POLR3G: variants seen among roughly 807,000 people sequenced by gnomAD.
The protein encoded by POLR3G is DNA-directed RNA polymerase III subunit RPC7.
POLR3G carries 28 observed loss-of-function variants against 30.1 expected under a neutral mutation model. The ratio of observed to expected loss-of-function variants is 0.93; its 90% CI spans 0.69 to 1.27. POLR3G has a LOEUF of 1.27. POLR3G is among the 50% of genes most tolerant of loss of function. The probability of loss-of-function intolerance (pLI) is 0.00; values close to 1 mark genes in which losing one functional copy is unlikely to be tolerated. For synonymous variants in POLR3G, 79 were observed against 82.5 expected, an observed-to-expected ratio of 0.96 and a Z score of 0.23; for missense variants, 254 against 264.6, an observed-to-expected ratio of 0.96 and a Z score of 0.28.
At chr5:90,491,692 C>G (rs1000819990) in intron 3 of POLR3G, among the ~76,000 whole-genome samples, 1 of 151,990 alleles carries the variant, frequency 6.6e-6, no homozygotes, top group Non-Finnish European at 1.5e-5. Flanking sequence ...TTTTATATAT[C>G]TAAAATAATT....
rs780281674 is a variant in POLR3G, at chr5:90,485,534, G to C, written c.-34G>C. ...TCGTAATCATTAATAGTGCCTTTCA[G>C]AATTTGCCCACTCATCTGGTATAAC... On this transcript the variant is annotated 5_prime_UTR_variant, in exon 2 of 8. Transcript: ENST00000651687. The C allele has an allele frequency of 4.8e-6, 7 of 1,443,912 alleles. No homozygotes were observed. In the South Asian group the frequency reaches 7.2e-5, roughly 15 times the overall value. 89.4% of individuals were successfully genotyped at this position (1,443,912 alleles called of 1,614,324 possible).
intron 7 of POLR3G, among the ~76,000 whole-genome samples, chr5:90,509,708 G>C (rs1752647158): frequency 6.6e-6 from 1 of 152,152 alleles, no homozygotes; most frequent in Non-Finnish European, 1.5e-5. Context: ...TGCAGGTGAT[G>C]GGAGTGTAGC....
chr5:90,502,150 C>T (rs1752275140), intron 6 of POLR3G, 162 bp downstream of exon 6: 1 of 985,238 alleles, frequency 1.0e-6, no homozygotes, highest in South Asian at 4.7e-5. Context: ...TTGAACTTTG[C>T]AGGCTGGGAG....
At chr5:90,489,682 G>A (rs749791355) in intron 3 of POLR3G, among the ~76,000 whole-genome samples, 1 of 152,074 alleles carries the variant, frequency 6.6e-6, no homozygotes, top group Non-Finnish European at 1.5e-5. Context: ...GAACTAATCA[G>A]TATTCATTCT....
chr5:90,479,811 A>G lies in POLR3G; in HGVS notation c.-44+4791A>G, dbSNP rs78215805. ...TGAGTCAGGAGAATAGGGTGCAACC[A>G]TCTTAAAAGGGCTCTGAGTAAATAG... On this transcript the variant is annotated intron_variant, in intron 1 of 7. Coordinates refer to ENST00000651687, the MANE Select transcript of POLR3G (RefSeq NM_006467.3). 2.1e-4 allele frequency among the ~76,000 whole-genome samples: 32 copies of G among 152,292 alleles called. No individual in the cohort carries two copies. In the East Asian group the frequency reaches 4.8e-3, roughly 23 times the overall value.
chr5:90,502,918 A>G lies in POLR3G; in HGVS notation c.438+930A>G, dbSNP rs575384120. Among the ~76,000 whole-genome samples the G allele has an allele frequency of 2.6e-5, 4 of 152,196 alleles. No homozygotes were observed. In the South Asian group the frequency reaches 8.3e-4, roughly 32 times the overall value. ...ATCTAGTGTTTTGCTGTTATTAACA[A>G]TGCTGCAATGAATTCATGTTAAGTA... On this transcript the variant is annotated intron_variant, in intron 6 of 7. Transcript: ENST00000651687.
intron 1 of POLR3G, among the ~76,000 whole-genome samples, chr5:90,482,894 A>G (rs1468626656): frequency 6.6e-6 from 1 of 152,178 alleles, no homozygotes; most frequent in African/African-American, 2.4e-5. Flanking sequence ...TAATCCCAGA[A>G]CTTTGGGAGG....
upstream of POLR3G, chr5:90,474,724 C>A (rs1468743117): frequency 2.0e-5 from 4 of 195,364 alleles, no homozygotes; most frequent in African/African-American, 7.2e-5. Flanking sequence ...CTCTGCAGGG[C>A]GCGCACTCCC....
At chr5:90,496,021 G>T (rs1011881256) in intron 4 of POLR3G, among the ~76,000 whole-genome samples, 3 of 151,622 alleles carry the variant, frequency 2.0e-5, no homozygotes, top group Non-Finnish European at 2.9e-5. Flanking sequence ...GCCCAGGCTG[G>T]AGTGCAGTGG....
At chr5:90,479,675 G>C (rs1751028881) in intron 1 of POLR3G, among the ~76,000 whole-genome samples, 1 of 151,994 alleles carries the variant, frequency 6.6e-6, no homozygotes, top group Non-Finnish European at 1.5e-5. Flanking sequence ...TGGTTGTTGT[G>C]GTTGCTGAGG....
chr5:90,479,832 A>G (rs1751035995), intron 1 of POLR3G, among the ~76,000 whole-genome samples: 1 of 152,158 alleles, frequency 6.6e-6, no homozygotes, highest in African/African-American at 2.4e-5. Flanking sequence ...GCTCTGAGTA[A>G]ATAGGGAGTT....
At chr5:90,511,350 A>T (rs567851912) in intron 7 of POLR3G, among the ~76,000 whole-genome samples, 52 of 152,128 alleles carry the variant, frequency 3.4e-4, no homozygotes, top group African/African-American at 1.2e-3. Flanking sequence ...GTTTGTTCCA[A>T]ACAGAATCCA....
At position 90,485,685 on chromosome 5, in the gene POLR3G, G is replaced by A; in HGVS notation, c.117+1G>A. 6.3e-7 allele frequency: 1 copy of A among 1,597,466 alleles called. No individual in the cohort carries two copies. Among genetic ancestry groups the A allele is most frequent in the Non-Finnish European group, 8.6e-7 (1 of 1,166,420 alleles). On this transcript the variant is annotated splice_donor_variant, in intron 2 of 7. Transcript: ENST00000651687. LOFTEE classifies it high-confidence loss of function. ...GTTGAAACCACCCCCACTATTTCCT[G>A]TAAGTATATGAACAGTTGAATTCTC...
chr5:90,510,027 T>C (rs570624539), intron 7 of POLR3G, among the ~76,000 whole-genome samples: 48 of 152,300 alleles, frequency 3.2e-4, no homozygotes, highest in Non-Finnish European at 5.9e-4. Flanking sequence ...TATTTGGTAG[T>C]GTCTGGAGAT....
chr5:90,489,385 C>T (rs1280241214), intron 3 of POLR3G, among the ~76,000 whole-genome samples: 1 of 151,648 alleles, frequency 6.6e-6, no homozygotes, highest in Admixed American at 6.6e-5. Context: ...CACATCTCAG[C>T]CTCCTGAGTA....
At chr5:90,494,663 T>A (rs1751896865) in intron 3 of POLR3G, among the ~76,000 whole-genome samples, 2 of 152,310 alleles carry the variant, frequency 1.3e-5, no homozygotes, top group Non-Finnish European at 2.9e-5. Flanking sequence ...CTTTTCATGC[T>A]TTTTGTCCAT....
intron 6 of POLR3G, among the ~76,000 whole-genome samples, chr5:90,505,405 T>C (rs1239676007): frequency 6.6e-6 from 1 of 152,204 alleles, no homozygotes; most frequent in Non-Finnish European, 1.5e-5. Context: ...AGTGAACAGA[T>C]AGTGACAGTA....
chr5:90,483,003 G>A (rs1561247585), intron 1 of POLR3G, among the ~76,000 whole-genome samples: 1 of 152,060 alleles, frequency 6.6e-6, no homozygotes, highest in African/African-American at 2.4e-5. Flanking sequence ...AGACAGGCAT[G>A]GTGGCGCACG....
At chr5:90,490,859 A>C (rs1037681289) in intron 3 of POLR3G, 6 of 160,396 alleles carry the variant, frequency 3.7e-5, no homozygotes, top group African/African-American at 1.4e-4. Flanking sequence ...TATCCATGCT[A>C]TGAGTGAAAA....
Sources: gnomAD v4.1 joint callset for allele counts (sites outside exome capture counted in the v4.1 genomes callset) on GRCh38, gnomAD v4.1.1 for gene constraint, MANE v1.5 for transcripts, NCBI Gene and HGNC (gene_info 2026-07-23, HGNC 2026-07-21) for gene names.